SAMD4B: variants seen among roughly 807,000 people sequenced by gnomAD.
SAMD4B encodes protein Smaug homolog 2.
In SAMD4B, 5 loss-of-function variants were observed where a neutral mutation model predicts 74.5. The ratio of observed to expected loss-of-function variants is 0.07; its 90% CI spans 0.04 to 0.14. The LOEUF is 0.14. SAMD4B is among the 10% of genes least tolerant of loss of function. The pLI is 1.00. For synonymous variants in SAMD4B, 373 were observed against 374.9 expected, an observed-to-expected ratio of 1.00 and a Z score of 0.06; for missense variants, 608 against 921.8, an observed-to-expected ratio of 0.66 and a Z score of 4.41.
At position 39,378,697 on chromosome 19, in the gene SAMD4B, G is replaced by A; in HGVS notation, c.1530+108G>A. 1 of 834,450 alleles carries A rather than the reference G, an allele frequency of 1.2e-6. No homozygotes were observed. The highest frequency in any genetic ancestry group is 2.0e-6 in the Non-Finnish European group (1 of 510,196). 51.7% of individuals were successfully genotyped at this position (834,450 alleles called of 1,614,324 possible). A position where few individuals can be genotyped will look rare whatever the true frequency, so the allele number is the denominator to read the frequency against. ...CCGAGGCGGGCGGATCATGAGGTCAGGAGATCGAGACCATCCTGGCTAACA... is the reference window on the plus strand; with the variant it reads ...CCGAGGCGGGCGGATCATGAGGTCAAGAGATCGAGACCATCCTGGCTAACA... On this transcript the variant is annotated intron_variant, in intron 9 of 13. Coordinates refer to ENST00000610417, the MANE Select transcript of SAMD4B (RefSeq NM_001384574.2). This position sits in a 1 kb window ranked among gnomAD's most constrained non-coding sequence, Gnocchi z 4.4.
chr19:39,386,602 A>G, downstream of SAMD4B: 1 of 1,612,138 alleles, frequency 6.2e-7, no homozygotes, highest in Non-Finnish European at 8.5e-7. The surrounding 1 kb of genome is among the most constrained non-coding windows in gnomAD (Gnocchi z 6.1). Context: ...AATGAGGGGA[A>G]GGAGGGTGTT....
chr19:39,342,848 G>A (rs2075391042), intron 1 of SAMD4B, among the ~76,000 whole-genome samples: 1 of 151,786 alleles, frequency 6.6e-6, no homozygotes, highest in African/African-American at 2.4e-5. Context: ...GGCCGGGCCG[G>A]GGGCCTCTCC....
intron 3 of SAMD4B, among the ~76,000 whole-genome samples, chr19:39,359,402 G>A (rs913093582): frequency 5.9e-5 from 9 of 152,120 alleles, no homozygotes; most frequent in African/African-American, 2.2e-4. Context: ...CAGACTTCAC[G>A]TTCTCATTTC....
intron 1 of SAMD4B, chr19:39,349,729 T>TG (rs1336314774): frequency 2.0e-5 from 3 of 152,194 alleles, no homozygotes; most frequent in African/African-American, 7.2e-5. Context: ...GAACTAGGAA[T>TG]GGGTAAGAAG....
At chr19:39,367,399 C>T (rs1396405626) in intron 3 of SAMD4B, among the ~76,000 whole-genome samples, 1 of 152,068 alleles carries the variant, frequency 6.6e-6, no homozygotes, top group African/African-American at 2.4e-5. Flanking sequence ...TCTCTTTTCC[C>T]AAGTATTGGT....
chr19:39,343,470 C>T (rs367576180), intron 1 of SAMD4B, among the ~76,000 whole-genome samples: 3 of 151,006 alleles, frequency 2.0e-5, no homozygotes, highest in Non-Finnish European at 3.0e-5. Context: ...ACTCCATCCC[C>T]CTCCCCACCG....
rs1190687813 is a variant in SAMD4B, at chr19:39,381,937, T to A, written c.1972+824T>A. On this transcript the variant is annotated intron_variant, in intron 12 of 13. Transcript: ENST00000610417. The stretch of plus-strand genomic sequence containing the variant: ...ACAGTGAGACCCCATCTCAAAAAGA[T>A]GTTGGGACAAGTGGGCAAAAGGAAG... 2.0e-5 allele frequency among the ~76,000 whole-genome samples: 3 copies of A among 152,286 alleles called. No individual in the cohort carries two copies. The East Asian group carries it at 5.8e-4, about 29-fold the overall frequency.
downstream of SAMD4B, chr19:39,386,282 A>C (rs764973388): frequency 3.7e-6 from 6 of 1,613,682 alleles, no homozygotes; most frequent in African/African-American, 8.0e-5. The surrounding 1 kb of genome is among the most constrained non-coding windows in gnomAD (Gnocchi z 6.1). Flanking sequence ...TCTCGTCCTC[A>C]CCACTGCCAC....
At chr19:39,387,806 C>T (rs867351535), downstream of SAMD4B, among the ~76,000 whole-genome samples, 1 of 152,182 alleles carries the variant, frequency 6.6e-6, no homozygotes, top group Non-Finnish European at 1.5e-5. Flanking sequence ...GGAAACTTGG[C>T]CCTCTGCCTT....
chr19:39,358,106 A>G (rs2076434811), intron 3 of SAMD4B, among the ~76,000 whole-genome samples: 1 of 152,100 alleles, frequency 6.6e-6, no homozygotes, highest in Non-Finnish European at 1.5e-5. Context: ...CCCCGTGTCT[A>G]TTAAAAGTAC....
downstream of SAMD4B, chr19:39,390,029 G>GA (rs1568375260): frequency 6.7e-7 from 1 of 1,491,882 alleles, no homozygotes; most frequent in Non-Finnish European, 9.4e-7. Flanking sequence ...TGCCTTCAAG[G>GA]AACTCATACC....
At chr19:39,364,355 C>T (rs756856476) in intron 3 of SAMD4B, among the ~76,000 whole-genome samples, 8 of 152,114 alleles carry the variant, frequency 5.3e-5, no homozygotes, top group Non-Finnish European at 7.4e-5. Flanking sequence ...CAGGCTGACT[C>T]GACTACTGGA....
In SAMD4B at chr19:39,383,110, C is replaced by T; in HGVS notation, c.1973-98C>T. On this transcript the variant is annotated intron_variant, in intron 12 of 13. Coordinates refer to ENST00000610417, the MANE Select transcript of SAMD4B (RefSeq NM_001384574.2). This position sits in a 1 kb window ranked among gnomAD's most constrained non-coding sequence, Gnocchi z 4.1. ...TTCTTCCCTCTCCCCCTCCATCTCTCTTGCTCCCTTCCCATACCAGCATCC... is the reference window on the plus strand; with the variant it reads ...TTCTTCCCTCTCCCCCTCCATCTCTTTTGCTCCCTTCCCATACCAGCATCC... 1.0e-6 allele frequency: 1 copy of T among 961,570 alleles called. No homozygotes were observed. The highest frequency in any genetic ancestry group is 1.7e-6 in the Non-Finnish European group (1 of 586,096). The allele number at this position is 961,570 out of a possible 1,614,324, so 59.6% of individuals were successfully genotyped here. A position where few individuals can be genotyped will look rare whatever the true frequency, so the allele number is the denominator to read the frequency against.
chr19:39,388,187 A>C, downstream of SAMD4B: 1 of 741,530 alleles, frequency 1.3e-6, no homozygotes, highest in Non-Finnish European at 2.2e-6. Context: ...AACCAAGTCC[A>C]GCTCATGTGC....
chr19:39,385,940 C>CT (rs767051311), downstream of SAMD4B: 14 of 1,604,636 alleles, frequency 8.7e-6, no homozygotes, highest in East Asian at 3.1e-4. Flanking sequence ...TAGAAAAGTG[C>CT]TTTGCTGCTC....
intron 7 of SAMD4B, 57 bp from the exon 8 acceptor site, chr19:39,377,428 T>C: frequency 1.4e-6 from 2 of 1,395,726 alleles, no homozygotes; most frequent in Non-Finnish European, 9.7e-7. Context: ...GTGTAGATAC[T>C]CTCTGTCCCT....
Position 39,375,973 on chromosome 19 carries a change from CCTG to C in SAMD4B, c.907+87_907+89del. On this transcript the variant is annotated intron_variant, in intron 5 of 13. Transcript: ENST00000610417. The surrounding 1 kb of genome is among the most constrained non-coding windows in gnomAD (Gnocchi z 4.1). ...GACAGAAAGGAGCTTGTAGCTGACACCTGCTTACCCCTCTGAGGAGGGGACATG... is the reference window on the plus strand; with the variant it reads ...GACAGAAAGGAGCTTGTAGCTGACACCTTACCCCTCTGAGGAGGGGACATG... 6.6e-7 allele frequency: 1 copy of C among 1,524,784 alleles called. No homozygotes were observed. Among genetic ancestry groups the C allele is most frequent in the Non-Finnish European group, 8.8e-7 (1 of 1,132,824 alleles). 94.5% of individuals were successfully genotyped at this position (1,524,784 alleles called of 1,614,324 possible). A position where few individuals can be genotyped will look rare whatever the true frequency, so the allele number is the denominator to read the frequency against.
intron 3 of SAMD4B, among the ~76,000 whole-genome samples, chr19:39,357,401 G>T (rs961865450): frequency 2.0e-5 from 3 of 152,148 alleles, no homozygotes; most frequent in Non-Finnish European, 4.4e-5. Flanking sequence ...TATGAAAGGC[G>T]TATAGAAGGT....
chr19:39,376,394 T>G, intron 5 of SAMD4B, 43 bp from the exon 6 acceptor site: 1 of 1,525,000 alleles, frequency 6.6e-7, no homozygotes, highest in Non-Finnish European at 9.0e-7. Context: ...CCTGGTAATC[T>G]GGGCCAAACT....
Sources: gnomAD v4.1 joint callset for allele counts (sites outside exome capture counted in the v4.1 genomes callset) on GRCh38, gnomAD v4.1.1 for gene constraint, Gnocchi (gnomAD v3.1) non-coding constraint, MANE v1.5 for transcripts, NCBI Gene and HGNC (gene_info 2026-07-23, HGNC 2026-07-21) for gene names.